The following CHD9 variants were observed in gnomAD, a reference collection of about 807,000 sequenced individuals.
CHD9 encodes chromodomain helicase DNA binding protein 9, also known as ATP-dependent chromatin remodeler CHD9.
Under a neutral mutation model 316.1 loss-of-function variants are expected in CHD9, and 77 were observed. The ratio of observed to expected loss-of-function variants is 0.24; its 90% CI spans 0.20 to 0.29. The LOEUF is 0.29. CHD9 is among the 10% of genes least tolerant of loss of function. CHD9 has a pLI of 1.00. For missense variants in CHD9, 2,763 were observed against 3,438.1 expected (o/e 0.80, Z 4.91); for synonymous variants, 1,129 against 1,158.3 (o/e 0.97, Z 0.51).
chr16:53,055,494 G>GCCCCC (rs3884211), intron 1 of CHD9, among the ~76,000 whole-genome samples: 29 of 145,884 alleles, frequency 2.0e-4, no homozygotes, highest in East Asian at 1.0e-3. Context: ...TTCCACCCCC[G>GCCCCC]CCCCCCCCCA....
rs189417286 is a variant in CHD9, at chr16:53,322,879, A to G, written c.7819-1141A>G. Among the ~76,000 whole-genome samples, 309 of 152,328 alleles carry G rather than the reference A, an allele frequency of 2.0e-3. 3 individuals are homozygous for G. Among genetic ancestry groups the G allele is most frequent in the Admixed American group, 0.012 (180 of 15,304 alleles). ...ATAGAACACATAATGAAATGTTAGCAATGGTTATCTCTGAATGTTGAGATG... is the reference window on the plus strand; with the variant it reads ...ATAGAACACATAATGAAATGTTAGCGATGGTTATCTCTGAATGTTGAGATG... On this transcript the variant is annotated intron_variant, in intron 38 of 38. Coordinates refer to ENST00000447540, the MANE Select transcript of CHD9 (RefSeq NM_001308319.2).
intron 1 of CHD9, among the ~76,000 whole-genome samples, chr16:53,095,544 G>C (rs1018838047): frequency 4.0e-5 from 6 of 151,632 alleles, no homozygotes; most frequent in African/African-American, 1.5e-4. Flanking sequence ...GCAAGACCCT[G>C]TCTCTAAAAA....
intron 3 of CHD9, among the ~76,000 whole-genome samples, chr16:53,214,647 T>C (rs1029827747): frequency 1.3e-5 from 2 of 152,188 alleles, no homozygotes; most frequent in African/African-American, 2.4e-5. Flanking sequence ...AGAGTTGATA[T>C]GTATGTAACT....
In CHD9 at chr16:53,325,094, C is replaced by G. The variant is rs1331425958; in HGVS notation, c.*199C>G. The G allele has an allele frequency of 4.3e-6, 2 of 460,658 alleles. No individual in the cohort carries two copies. The highest frequency in any genetic ancestry group is 7.7e-6 in the Non-Finnish European group (2 of 260,636). 28.5% of individuals were successfully genotyped at this position (460,658 alleles called of 1,614,324 possible). ...TCATAAGTTTCTGAACTCGTATGTA[C>G]TATCAAATACATAAAGGTGTAAAAT... On this transcript the variant is annotated 3_prime_UTR_variant, in exon 39 of 39. Transcript: ENST00000447540.
At position 53,325,573 on chromosome 16, in the gene CHD9, A is replaced by G. The variant is rs1046603581; in HGVS notation, c.*678A>G. ...TAAACACATCCTATATATCATGTCA[A>G]TCTGGCAAGAAATATGACTTGCTTT... On this transcript the variant is annotated 3_prime_UTR_variant, in exon 39 of 39. Transcript: ENST00000447540. The G allele has an allele frequency of 1.3e-5, 2 of 152,698 alleles. No homozygotes were observed. Among genetic ancestry groups the G allele is most frequent in the Admixed American group, 6.5e-5 (1 of 15,288 alleles). 9.5% of individuals were successfully genotyped at this position (152,698 alleles called of 1,614,324 possible).
chr16:53,325,992 T>G lies in CHD9; in HGVS notation c.*1097T>G, dbSNP rs2057527248. ...AATGTTGCCCAGAATCAGTGTTGGG[T>G]TATCAGTTTATATTAAATATACTGA... On this transcript the variant is annotated 3_prime_UTR_variant, in exon 39 of 39. Transcript: ENST00000447540. The G allele has an allele frequency of 6.6e-6, 1 of 152,526 alleles. No homozygotes were observed. Among genetic ancestry groups the G allele is most frequent in the Non-Finnish European group, 1.5e-5 (1 of 67,944 alleles). 9.4% of individuals were successfully genotyped at this position (152,526 alleles called of 1,614,324 possible).
intron 1 of CHD9, among the ~76,000 whole-genome samples, chr16:53,135,628 G>T (rs1038677141): frequency 3.3e-5 from 5 of 152,140 alleles, no homozygotes. Flanking sequence ...GGAAAGGAAA[G>T]ATTTGGCAAG....
rs376786706 is a variant in CHD9, at chr16:53,209,617, A to T, written c.1588A>T (p.Ile530Leu). Residue 530 changes from isoleucine (I) to leucine (L), a missense_variant, in exon 3 of 39, where the codon ATA becomes TTA. Ile to Leu is a conservative substitution (Grantham distance 5). This residue lies in a region of CHD9 where 859 missense variants were observed against 890.4 expected (regional missense o/e 0.96). Transcript: ENST00000447540. ...ESKQEKANRIISEAIAKAKER... is the reference protein window; with the variant it reads ...ESKQEKANRILSEAIAKAKER... ...CAAGCAAGAAAAGGCTAATCGTATA[A>T]TATCAGAGGCCATAGCAAAAGCAAA... The T allele has an allele frequency of 9.9e-6, 16 of 1,613,852 alleles. No individual in the cohort carries two copies. The highest frequency in any genetic ancestry group is 1.4e-5 in the Non-Finnish European group (16 of 1,179,868).
At chr16:53,159,840 C>A (rs570364373) in intron 2 of CHD9, among the ~76,000 whole-genome samples, 3 of 152,296 alleles carry the variant, frequency 2.0e-5, no homozygotes, top group Admixed American at 6.5e-5. Context: ...TGGTCTTGAA[C>A]TCCTGACCTC....
chr16:53,220,427 T>C (rs1444893322), intron 3 of CHD9, among the ~76,000 whole-genome samples: 2 of 152,138 alleles, frequency 1.3e-5, no homozygotes, highest in Non-Finnish European at 2.9e-5. Flanking sequence ...CAATAAAAAA[T>C]TATATCTTTC....
At chr16:53,240,983 T>C (rs2049036422) in intron 12 of CHD9, among the ~76,000 whole-genome samples, 1 of 152,154 alleles carries the variant, frequency 6.6e-6, no homozygotes. Context: ...CACTGTGATA[T>C]CAACTTAACT....
intron 2 of CHD9, among the ~76,000 whole-genome samples, chr16:53,167,594 T>C (rs1409024746): frequency 1.3e-5 from 2 of 151,966 alleles, no homozygotes; most frequent in East Asian, 3.8e-4. Flanking sequence ...TTAAAGAAGG[T>C]GTTCCTCTAA....
chr16:53,131,441 G>A (rs1159672569), intron 1 of CHD9: 2 of 146,940 alleles, frequency 1.4e-5, no homozygotes, highest in African/African-American at 2.5e-5. Context: ...CCCGCGGGGA[G>A]GCCGGGCAGG....
At chr16:53,118,474 ACTAACTGCTTAACAT>A (rs368201646) in intron 1 of CHD9, among the ~76,000 whole-genome samples, 1 of 152,298 alleles carries the variant, frequency 6.6e-6, no homozygotes, top group African/African-American at 2.4e-5. Flanking sequence ...GTGGAAGGTC[ACTAACTGCTTAACAT>A]CTAATGGTAA....
chr16:53,076,447 C>T (rs904866692), intron 1 of CHD9, among the ~76,000 whole-genome samples: 9 of 151,876 alleles, frequency 5.9e-5, no homozygotes, highest in South Asian at 4.2e-4. Flanking sequence ...TGGTGGCAGG[C>T]GCCTATAATT....
chr16:53,150,615 C>T (rs2041021609), intron 1 of CHD9, among the ~76,000 whole-genome samples: 1 of 152,082 alleles, frequency 6.6e-6, no homozygotes, highest in African/African-American at 2.4e-5. Context: ...CTCTAGTGTC[C>T]TTTCATTTTA....
chr16:53,156,348 G>C lies in CHD9; in HGVS notation c.259G>C (p.Gly87Arg). 1 of 1,613,862 alleles carries C rather than the reference G, an allele frequency of 6.2e-7. No homozygotes were observed. ...ATTTCACCATGTTAATCAATCTTTT[G>C]GTAGCCCAGCTGAACATGTGTTATC... ...IKFHHVNQSF[G>R]SPAEHVLSPH... Residue 87 changes from glycine to arginine, a missense_variant, in exon 2 of 39, where the codon GGT (glycine) becomes CGT (arginine). This residue lies in a region of CHD9 where 859 missense variants were observed against 890.4 expected (regional missense o/e 0.96). Transcript: ENST00000447540.
At chr16:53,063,689 G>A (rs1251644594) in intron 1 of CHD9, among the ~76,000 whole-genome samples, 1 of 151,404 alleles carries the variant, frequency 6.6e-6, no homozygotes, top group African/African-American at 2.4e-5. Context: ...CCGCCACCAC[G>A]CCCGGCTAAT....
chr16:53,176,263 G>T lies in CHD9; in HGVS notation c.1452+18722G>T, dbSNP rs188775993. ...TGGCACCATTCCGTCTTTAAATCCA[G>T]CAATGGCTGGTCAAGTCTTTCTCAC... On this transcript the variant is annotated intron_variant, in intron 2 of 38. Coordinates refer to ENST00000447540, the MANE Select transcript of CHD9 (RefSeq NM_001308319.2). 7.5e-4 allele frequency among the ~76,000 whole-genome samples: 114 copies of T among 152,254 alleles called. 2 individuals are homozygous for T. The highest frequency in any genetic ancestry group is 2.6e-3 in the African/African-American group (108 of 41,558).
Sources: gnomAD v4.1 joint callset for allele counts (sites outside exome capture counted in the v4.1 genomes callset) on GRCh38, gnomAD v4.1.1 for gene constraint, gnomAD v4.1.1 regional missense constraint, MANE v1.5 for transcripts, NCBI Gene and HGNC (gene_info 2026-07-23, HGNC 2026-07-21) for gene names.